The following RARB variants were observed in gnomAD, a reference collection of about 807,000 sequenced individuals.
The protein encoded by RARB is HBV-activated protein.
RARB carries 17 observed loss-of-function variants against 51.9 expected under a neutral mutation model. That is an observed-to-expected ratio of 0.33 (90% CI 0.22 to 0.49). The LOEUF is 0.49. Among genes scored for constraint, RARB ranks in the 20% least tolerant of loss-of-function variants. The pLI is 0.99. For synonymous variants in RARB, 215 were observed against 195.4 expected (o/e 1.10, Z -0.84); for missense variants, 369 against 550.8 (o/e 0.67, Z 3.30).
intron 5 of RARB, chr3:25,174,614 G>A: frequency 1.4e-5 from 19 of 1,346,114 alleles, no homozygotes; most frequent in Non-Finnish European, 1.9e-5. Context: ...TCTCTGGGTT[G>A]ATTGGATGAA....
At chr3:25,267,926 C>T (rs192078356) in intron 5 of RARB, among the ~76,000 whole-genome samples, 6 of 152,218 alleles carry the variant, frequency 3.9e-5, no homozygotes, top group Admixed American at 1.3e-4. Context: ...CAAATGTGTA[C>T]GCATAATGTT....
intron 5 of RARB, among the ~76,000 whole-genome samples, chr3:25,182,661 G>C (rs1490175747): frequency 6.6e-6 from 1 of 152,178 alleles, no homozygotes; most frequent in East Asian, 1.9e-4. Flanking sequence ...GTTTTCACTT[G>C]TGTGTGGTGT....
chr3:25,014,873 C>G (rs74821840), intron 2 of RARB, among the ~76,000 whole-genome samples: 4 of 152,086 alleles, frequency 2.6e-5, no homozygotes, highest in Non-Finnish European at 4.4e-5. Context: ...AAGTTCACCT[C>G]TCCTCCTATT....
chr3:24,881,187 A>G (rs1444239066), intron 2 of RARB, among the ~76,000 whole-genome samples: 2 of 152,196 alleles, frequency 1.3e-5, no homozygotes, highest in African/African-American at 2.4e-5. Flanking sequence ...GCCTTCTGCC[A>G]TGATTACAAG....
chr3:25,463,199 T>C (rs1376758457), intron 2 of RARB, among the ~76,000 whole-genome samples: 2 of 152,054 alleles, frequency 1.3e-5, no homozygotes, highest in Non-Finnish European at 2.9e-5. Flanking sequence ...TGGGCAGAGC[T>C]TCAAAGTAAT....
At chr3:25,241,617 C>G (rs532161488) in intron 5 of RARB, among the ~76,000 whole-genome samples, 4 of 152,306 alleles carry the variant, frequency 2.6e-5, no homozygotes, top group East Asian at 3.9e-4. Context: ...CTTCCAGATT[C>G]ATGCATATCC....
intron 3 of RARB, among the ~76,000 whole-genome samples, chr3:25,073,665 C>T (rs1283113152): frequency 2.0e-5 from 3 of 152,122 alleles, no homozygotes; most frequent in Non-Finnish European, 2.9e-5. Flanking sequence ...ATTTACTTTG[C>T]AGTAAATAAT....
At chr3:25,302,460 C>T (rs1704063448) in intron 5 of RARB, among the ~76,000 whole-genome samples, 1 of 152,194 alleles carries the variant, frequency 6.6e-6, no homozygotes, top group South Asian at 2.1e-4. Context: ...CATGTTACAA[C>T]ATGGATAAAC....
chr3:25,103,612 G>A (rs1468556572), intron 3 of RARB, among the ~76,000 whole-genome samples: 1 of 152,212 alleles, frequency 6.6e-6, no homozygotes, highest in Non-Finnish European at 1.5e-5. Context: ...GCAAGGAGGA[G>A]GAGAATAGAG....
intron 2 of RARB, among the ~76,000 whole-genome samples, chr3:25,475,715 C>T (rs1695913597): frequency 6.6e-6 from 1 of 152,172 alleles, no homozygotes; most frequent in Non-Finnish European, 1.5e-5. Context: ...GCCATATCCA[C>T]GCTGACCAAT....
chr3:25,428,751 T>C lies in RARB; in HGVS notation c.20T>C (p.Val7Ala), dbSNP rs1296494819. 6.2e-7 allele frequency: 1 copy of C among 1,613,982 alleles called. No homozygotes were observed. The highest frequency in any genetic ancestry group is 8.5e-7 in the Non-Finnish European group (1 of 1,179,974). ...GAGATCATGTTTGACTGTATGGATG[T>C]TCTGTCAGTGAGTCCTGGGCAAATC... MFDCMD[V>A]LSVSPGQILD... Residue 7 changes from valine to alanine, a missense_variant, in exon 1 of 8, where the codon GTT becomes GCT. Physicochemically the swap from Val to Ala is moderately conservative, Grantham distance 64 (BLOSUM62 0). Around this residue, in one of 9 missense-constraint regions of RARB, gnomAD observed 99 missense variants for 95.1 expected, o/e 1.04. Transcript: ENST00000330688.
intron 5 of RARB, among the ~76,000 whole-genome samples, chr3:25,213,629 C>A (rs1022127846): frequency 1.3e-5 from 2 of 152,170 alleles, no homozygotes; most frequent in African/African-American, 4.8e-5. Flanking sequence ...TTATTAGTTT[C>A]TGCTGAACAA....
intron 2 of RARB, among the ~76,000 whole-genome samples, chr3:24,983,238 C>T (rs1490791406): frequency 1.3e-5 from 2 of 152,048 alleles, no homozygotes; most frequent in East Asian, 3.9e-4. Context: ...AGAATTGTAC[C>T]TGAGCACTTA....
At chr3:25,078,693 G>A (rs1227487303) in intron 3 of RARB, among the ~76,000 whole-genome samples, 1 of 152,018 alleles carries the variant, frequency 6.6e-6, no homozygotes, top group African/African-American at 2.4e-5. Flanking sequence ...CACCACGCTT[G>A]ACTAATTTTG....
chr3:25,174,236 T>G, exon 5 of RARB: 1 of 432,044 alleles, frequency 2.3e-6, no homozygotes, highest in South Asian at 2.2e-5. Context: ...AGAGAAACCA[T>G]GCTGGGAAGA....
At chr3:25,040,514 C>T (rs951815671) in intron 2 of RARB, among the ~76,000 whole-genome samples, 2 of 152,164 alleles carry the variant, frequency 1.3e-5, no homozygotes, top group Non-Finnish European at 2.9e-5. Context: ...CGGCAGATCG[C>T]TTGAGGACAG....
chr3:25,021,724 C>T (rs1046863989), intron 2 of RARB, among the ~76,000 whole-genome samples: 4 of 151,256 alleles, frequency 2.6e-5, no homozygotes, highest in Non-Finnish European at 4.4e-5. Context: ...TTTTTAAATT[C>T]GAGGACCTAT....
chr3:25,418,445 A>C (rs1707767679), intron 5 of RARB, among the ~76,000 whole-genome samples: 1 of 152,164 alleles, frequency 6.6e-6, no homozygotes, highest in Non-Finnish European at 1.5e-5. Context: ...CTTACCTACA[A>C]TTGCAAATGA....
chr3:25,173,865 G>T (rs1303906093), intron 4 of RARB, among the ~76,000 whole-genome samples: 1 of 152,146 alleles, frequency 6.6e-6, no homozygotes, highest in African/African-American at 2.4e-5. Flanking sequence ...TTAGCAGAGT[G>T]ATATAGTCAA....
Sources: gnomAD v4.1 joint callset for allele counts (sites outside exome capture counted in the v4.1 genomes callset) on GRCh38, gnomAD v4.1.1 for gene constraint, gnomAD v4.1.1 regional missense constraint, MANE v1.5 for transcripts, NCBI Gene and HGNC (gene_info 2026-07-23, HGNC 2026-07-21) for gene names.